The following ERC2 variants were observed in gnomAD, a reference collection of about 807,000 sequenced individuals.
ERC2 encodes ERC protein 2.
In ERC2, 42 loss-of-function variants were observed where a neutral mutation model predicts 114.8. The ratio of observed to expected loss-of-function variants is 0.37; its 90% confidence interval spans 0.29 to 0.47. The LOEUF (loss-of-function observed/expected upper bound fraction) is 0.47. ERC2 is among the 20% of genes least tolerant of loss of function. The pLI is 0.99. For missense variants in ERC2, 939 were observed against 1,150.7 expected (o/e 0.82, Z 2.66); for synonymous variants, 454 against 425.5 (o/e 1.07, Z -0.82).
intron 14 of ERC2, among the ~76,000 whole-genome samples, chr3:55,823,286 G>A (rs1417709603): frequency 6.6e-6 from 1 of 152,160 alleles, no homozygotes; most frequent in Non-Finnish European, 1.5e-5. Flanking sequence ...ATTCAAGCTG[G>A]ACCACATGCA....
chr3:56,376,471 A>C (rs2059545354), intron 2 of ERC2, among the ~76,000 whole-genome samples: 2 of 152,166 alleles, frequency 1.3e-5, no homozygotes, highest in East Asian at 3.9e-4. Flanking sequence ...AAAAAAAAAA[A>C]AGAGGTGAGT....
At chr3:56,436,025 A>G (rs183585910) in intron 1 of ERC2, among the ~76,000 whole-genome samples, 111 of 152,270 alleles carry the variant, frequency 7.3e-4, no homozygotes, top group Non-Finnish European at 1.3e-3. Context: ...ACTAGTGAAG[A>G]TTTTATGTAG....
intron 3 of ERC2, among the ~76,000 whole-genome samples, chr3:56,285,884 G>T (rs949133698): frequency 2.0e-5 from 3 of 152,182 alleles, no homozygotes; most frequent in Non-Finnish European, 2.9e-5. Context: ...GGAGGAATAG[G>T]AGGAAGCCTG....
chr3:55,982,506 CTTAA>C (rs2070233842), intron 12 of ERC2, among the ~76,000 whole-genome samples: 1 of 151,994 alleles, frequency 6.6e-6, no homozygotes, highest in Admixed American at 6.5e-5. Flanking sequence ...AGTGCTGGCA[CTTAA>C]TTAACACCAA....
intron 7 of ERC2, among the ~76,000 whole-genome samples, chr3:56,046,541 T>C (rs1297562227): frequency 2.0e-5 from 3 of 152,224 alleles, no homozygotes; most frequent in African/African-American, 4.8e-5. Context: ...ATCCATAGCC[T>C]ATCTTCACTT....
At chr3:56,170,940 AT>A in intron 4 of ERC2, among the ~76,000 whole-genome samples, 1 of 151,066 alleles carries the variant, frequency 6.6e-6, no homozygotes, top group East Asian at 2.0e-4. Flanking sequence ...AATTTTTTGT[AT>A]TTTTTAGTAG....
intron 17 of ERC2, among the ~76,000 whole-genome samples, chr3:55,565,389 C>T (rs1269002842): frequency 1.3e-5 from 2 of 152,144 alleles, no homozygotes; most frequent in Non-Finnish European, 2.9e-5. Context: ...AACATAGTGG[C>T]TGACGGGTAC....
At chr3:56,085,972 G>C (rs2077479805) in intron 6 of ERC2, among the ~76,000 whole-genome samples, 1 of 152,136 alleles carries the variant, frequency 6.6e-6, no homozygotes, top group African/African-American at 2.4e-5. Flanking sequence ...ATTACAATAT[G>C]GGAGGTAGTG....
rs545813466 is a variant in ERC2, at chr3:56,363,453, A to G, written c.658-67018T>C. ...CTTATCCAAAGTAGCTCGAAATCCA[A>G]TTTGTACAAACAAGGTGTACATGAC... On this transcript the variant is annotated intron_variant, in intron 2 of 17. Transcript: ENST00000288221. 2.0e-5 allele frequency among the ~76,000 whole-genome samples: 3 copies of G among 152,328 alleles called. No individual in the cohort carries two copies. In the South Asian group the frequency reaches 6.2e-4, roughly 32 times the overall value.
chr3:56,237,141 TC>T (rs2051002128), intron 3 of ERC2, among the ~76,000 whole-genome samples: 1 of 152,210 alleles, frequency 6.6e-6, no homozygotes, highest in South Asian at 2.1e-4. Flanking sequence ...ATTCACAGAC[TC>T]CCCAACCCAC....
In ERC2 at chr3:56,434,615, G is replaced by A. The variant is rs550139627; in HGVS notation, c.393C>T (p.His131=). The change falls in exon 2 of 18, where the codon CAC becomes CAT. Residue 131 remains histidine, a synonymous_variant. Coordinates refer to ENST00000288221, the MANE Select transcript of ERC2 (RefSeq NM_015576.3). ...TCAACATGGAGGGGACCTGGTGGTG[G>A]TGATGATGGGATGAGCCAGTCAGCC... ...HGGLTGSSHH[H]HHQVPSMLRQ... 3 of 1,613,854 alleles carry A rather than the reference G, an allele frequency of 1.9e-6. No homozygotes were observed. Among genetic ancestry groups the A allele is most frequent in the African/African-American group, 2.7e-5 (2 of 74,912 alleles).
At chr3:55,650,023 G>A (rs2060549437) in intron 17 of ERC2, among the ~76,000 whole-genome samples, 1 of 152,196 alleles carries the variant, frequency 6.6e-6, no homozygotes, top group Non-Finnish European at 1.5e-5. Flanking sequence ...CACTGCCCTT[G>A]CTGGCCATGT....
chr3:55,958,414 T>C (rs1441784774), intron 12 of ERC2, among the ~76,000 whole-genome samples: 2 of 152,098 alleles, frequency 1.3e-5, no homozygotes, highest in Admixed American at 1.3e-4. Flanking sequence ...GCATCATAAG[T>C]TCTCACTCTG....
rs1423553505 is a variant in ERC2 at position 55,999,271 on chromosome 3, G to A, written c.2062-7021C>T. ...AGAATGATAGTTAAGCTGCAGAAAG[G>A]TTATAAGAAAAATAATGATATCAAG... On this transcript the variant is annotated intron_variant, in intron 10 of 17. Coordinates refer to ENST00000288221, the MANE Select transcript of ERC2 (RefSeq NM_015576.3). Among the ~76,000 whole-genome samples, 5 of 152,182 alleles carry A rather than the reference G, an allele frequency of 3.3e-5. No individual in the cohort carries two copies. The East Asian group carries it at 9.7e-4, about 29-fold the overall frequency.
At position 55,704,506 on chromosome 3, in the gene ERC2, G is replaced by A. The variant is rs141271849; in HGVS notation, c.2713-4994C>T. Among the ~76,000 whole-genome samples the A allele has an allele frequency of 1.1e-4, 17 of 152,222 alleles. No homozygotes were observed. The East Asian group carries it at 1.9e-3, about 17-fold the overall frequency. ...TTTTCCCACTAGGGAAATCCCAAAC[G>A]TTCAGGAACTCTTCTACTGTCTTGT... On this transcript the variant is annotated intron_variant, in intron 15 of 17. Transcript: ENST00000288221.
intron 1 of ERC2, among the ~76,000 whole-genome samples, chr3:56,463,246 A>G (rs966463201): frequency 1.3e-5 from 2 of 152,196 alleles, no homozygotes; most frequent in African/African-American, 4.8e-5. Flanking sequence ...AACAAAAAAA[A>G]ACAAAAACCA....
chr3:56,057,414 A>C (rs1033903092), intron 7 of ERC2, among the ~76,000 whole-genome samples: 24 of 151,892 alleles, frequency 1.6e-4, no homozygotes, highest in African/African-American at 5.8e-4. Context: ...TTGCTTACTC[A>C]TTTCTTGGTT....
At chr3:55,868,596 C>T (rs2062432537) in intron 14 of ERC2, among the ~76,000 whole-genome samples, 1 of 152,212 alleles carries the variant, frequency 6.6e-6, no homozygotes. Flanking sequence ...TGAAGCCGTC[C>T]TAGCCCTCTG....
intron 17 of ERC2, among the ~76,000 whole-genome samples, chr3:55,600,633 C>T (rs2058357509): frequency 6.6e-6 from 1 of 152,152 alleles, no homozygotes; most frequent in South Asian, 2.1e-4. Context: ...TCACTGATTC[C>T]AGTATATGAC....
Sources: allele counts gnomAD v4.1 joint callset (sites outside exome capture counted in the v4.1 genomes callset), GRCh38; gene constraint gnomAD v4.1.1; transcripts MANE v1.5; gene names NCBI Gene and HGNC (gene_info 2026-07-23, HGNC 2026-07-21).